Variants in CDH13 observed in about 807,000 individuals in gnomAD.
The protein encoded by CDH13 is cadherin 13.
A neutral mutation model predicts 63.8 loss-of-function variants in CDH13; 24 were observed. The observed-to-expected ratio is 0.38, with a 90% confidence interval of 0.27 to 0.53. The LOEUF is 0.53. Ranked by LOEUF, CDH13 falls within the 20% of genes least tolerant of loss-of-function variation. The pLI, the probability that CDH13 is intolerant of heterozygous loss-of-function variation, is 0.85. For missense variants in CDH13, 1,049 were observed against 903.1 expected, an observed-to-expected ratio of 1.16 and a Z score of -2.07; for synonymous variants, 503 against 355.3, an observed-to-expected ratio of 1.42 and a Z score of -4.67.
intron 1 of CDH13, among the ~76,000 whole-genome samples, chr16:82,708,595 A>G (rs2031674547): frequency 6.6e-6 from 1 of 152,116 alleles, no homozygotes; most frequent in Non-Finnish European, 1.5e-5. Flanking sequence ...TCCAAAGCCA[A>G]CTGGTATCTT....
chr16:83,329,077 C>G (rs1013148265), intron 5 of CDH13, among the ~76,000 whole-genome samples: 4 of 152,136 alleles, frequency 2.6e-5, no homozygotes, highest in Non-Finnish European at 4.4e-5. Flanking sequence ...CCCCGAAGCA[C>G]AAATCTCTGG....
chr16:82,862,987 C>G (rs2039999858), intron 2 of CDH13, among the ~76,000 whole-genome samples: 1 of 152,152 alleles, frequency 6.6e-6, no homozygotes, highest in African/African-American at 2.4e-5. Flanking sequence ...AATACCTCAG[C>G]CCCAAAGTGG....
chr16:83,168,663 T>C (rs376663429), intron 4 of CDH13, among the ~76,000 whole-genome samples: 90 of 147,436 alleles, frequency 6.1e-4, no homozygotes, highest in African/African-American at 2.1e-3. Flanking sequence ...GATAACATAT[T>C]GGTGCTTTTA....
At chr16:83,125,914 A>G (rs72798389) in intron 4 of CDH13, among the ~76,000 whole-genome samples, 11,154 of 152,260 alleles carry the variant, frequency 0.073, 507 homozygotes, top group Non-Finnish European at 0.096. Flanking sequence ...TCGGTTTTCC[A>G]AAAACTAAAC....
chr16:82,866,992 G>T (rs546663400), intron 2 of CDH13, among the ~76,000 whole-genome samples: 2 of 152,322 alleles, frequency 1.3e-5, no homozygotes, highest in South Asian at 4.1e-4. Context: ...AGGAACATAT[G>T]TTGGCATGCA....
chr16:82,828,646 T>TTGTGTG (rs60031294), intron 1 of CDH13, among the ~76,000 whole-genome samples: 1 of 142,656 alleles, frequency 7.0e-6, no homozygotes, highest in Non-Finnish European at 1.6e-5. Flanking sequence ...ATAGATGTGT[T>TTGTGTG]TGTGTGTGTG....
At chr16:83,373,303 G>T (rs1437576506) in intron 6 of CDH13, among the ~76,000 whole-genome samples, 3 of 152,200 alleles carry the variant, frequency 2.0e-5, no homozygotes, top group Admixed American at 2.0e-4. Context: ...AGTAAGAACT[G>T]AGTAGGAACA....
chr16:83,413,341 T>C (rs910981847), intron 6 of CDH13, among the ~76,000 whole-genome samples: 4 of 152,208 alleles, frequency 2.6e-5, no homozygotes, highest in African/African-American at 9.7e-5. Context: ...TTTAATGTGA[T>C]CATTGCCTCA....
intron 7 of CDH13, among the ~76,000 whole-genome samples, chr16:83,575,360 G>C (rs1008944343): frequency 6.6e-6 from 1 of 152,168 alleles, no homozygotes; most frequent in Non-Finnish European, 1.5e-5. Flanking sequence ...AACAAAAAGT[G>C]TCCCACACTA....
rs559464935 is a variant in CDH13 at position 83,673,671 on chromosome 16, C to T, written c.1284+2699C>T. On this transcript the variant is annotated intron_variant, in intron 9 of 13. Transcript: ENST00000567109. The stretch of plus-strand genomic sequence containing the variant: ...CCTGTGCTGGTCCACAATGCAGTGG[C>T]TCTCAAATGCTAGCATATATAAGAA... Among the ~76,000 whole-genome samples, 7 of 152,344 alleles carry T rather than the reference C, an allele frequency of 4.6e-5. No individual in the cohort carries two copies. In the South Asian group the frequency reaches 1.4e-3, roughly 32 times the overall value.
intron 10 of CDH13, among the ~76,000 whole-genome samples, chr16:83,700,589 G>C (rs1698487484): frequency 6.6e-6 from 1 of 152,132 alleles, no homozygotes; most frequent in Admixed American, 6.5e-5. Flanking sequence ...TGCAACAGGT[G>C]TACATATATT....
chr16:83,568,503 C>T (rs1044693532), intron 7 of CDH13, among the ~76,000 whole-genome samples: 35 of 152,178 alleles, frequency 2.3e-4, no homozygotes, highest in Admixed American at 1.7e-3. Context: ...CTATTCTGAG[C>T]TCAGTTCACG....
At chr16:83,377,887 T>C (rs2091486432) in intron 6 of CDH13, among the ~76,000 whole-genome samples, 1 of 151,948 alleles carries the variant, frequency 6.6e-6, no homozygotes, top group African/African-American at 2.4e-5. Flanking sequence ...GAAAAAGGTG[T>C]CCCCTTCAAG....
intron 1 of CDH13, among the ~76,000 whole-genome samples, chr16:82,809,533 C>T (rs2037335874): frequency 6.6e-6 from 1 of 152,074 alleles, no homozygotes; most frequent in Non-Finnish European, 1.5e-5. Context: ...TCAAATCTAT[C>T]AGAATACTAA....
intron 1 of CDH13, among the ~76,000 whole-genome samples, chr16:82,760,122 T>A (rs149719449): frequency 6.6e-6 from 1 of 152,108 alleles, no homozygotes. Flanking sequence ...AAGCATAGAG[T>A]TTTTCTGGAA....
intron 7 of CDH13, among the ~76,000 whole-genome samples, chr16:83,595,818 T>TTG (rs537270241): frequency 0.1 from 15,982 of 152,220 alleles, 1,106 homozygotes; most frequent in Non-Finnish European, 0.16. Context: ...ACATACAACA[T>TTG]TGTTTTCACC....
chr16:83,048,477 A>G (rs972308600), intron 3 of CDH13, among the ~76,000 whole-genome samples: 2 of 152,090 alleles, frequency 1.3e-5, no homozygotes, highest in African/African-American at 4.8e-5. Context: ...TTCATCTTTA[A>G]TTTATTGCTC....
chr16:82,800,208 A>G (rs1476040297), intron 1 of CDH13, among the ~76,000 whole-genome samples: 2 of 152,198 alleles, frequency 1.3e-5, no homozygotes, highest in African/African-American at 4.8e-5. Flanking sequence ...GACAAAGGCC[A>G]TATTTTGAGA....
At chr16:82,902,251 C>G (rs1187987992) in intron 2 of CDH13, among the ~76,000 whole-genome samples, 3 of 152,116 alleles carry the variant, frequency 2.0e-5, no homozygotes, top group Non-Finnish European at 4.4e-5. Flanking sequence ...TCTTTATGTT[C>G]TTAGGGTATT....
Sources: gnomAD v4.1 joint callset for allele counts (sites outside exome capture counted in the v4.1 genomes callset) on GRCh38, gnomAD v4.1.1 for gene constraint, MANE v1.5 for transcripts, NCBI Gene and HGNC (gene_info 2026-07-23, HGNC 2026-07-21) for gene names.